Variants in NUP210L observed in about 807,000 individuals in gnomAD.
NUP210L encodes nuclear pore membrane glycoprotein 210-like.
A neutral mutation model predicts 208.5 loss-of-function variants in NUP210L; 74 were observed. The observed-to-expected ratio is 0.35, with a 90% confidence interval of 0.29 to 0.43. The LOEUF is 0.43. Ranked by LOEUF, NUP210L falls within the 20% of genes least tolerant of loss-of-function variation. NUP210L has a pLI of 1.00. For missense variants in NUP210L, 1,843 were observed against 2,289.4 expected, an observed-to-expected ratio of 0.81 and a Z score of 3.98; for synonymous variants, 780 against 816.9, an observed-to-expected ratio of 0.95 and a Z score of 0.77.
At chr1:154,091,738 T>C (rs1214479447) in intron 15 of NUP210L, among the ~76,000 whole-genome samples, 2 of 151,740 alleles carry the variant, frequency 1.3e-5, no homozygotes, top group Non-Finnish European at 2.9e-5. Context: ...TGAACTCAAA[T>C]GATCTGCCCG....
At chr1:154,118,761 T>C (rs765475002) in exon 11 of NUP210L, 1 of 1,595,670 alleles carries the variant, frequency 6.3e-7, no homozygotes, top group Non-Finnish European at 8.6e-7. Context: ...AAATCTTCAC[T>C]TCTTGTTGGT....
chr1:154,090,895 A>G (rs1361969898), intron 15 of NUP210L, among the ~76,000 whole-genome samples: 1 of 151,728 alleles, frequency 6.6e-6, no homozygotes, highest in Non-Finnish European at 1.5e-5. Context: ...TGTTGGTAGG[A>G]AAGTAAAATG....
intron 16 of NUP210L, among the ~76,000 whole-genome samples, chr1:154,086,502 C>T (rs1240473495): frequency 6.6e-6 from 1 of 152,036 alleles, no homozygotes; most frequent in Non-Finnish European, 1.5e-5. Context: ...AACTTTTGTG[C>T]TTCAAAAGAT....
rs1442055995 is a variant in NUP210L, at chr1:154,068,596, C to T, written c.2554+1677G>A. Among the ~76,000 whole-genome samples, 26 of 152,246 alleles carry T rather than the reference C, an allele frequency of 1.7e-4. No homozygotes were observed. The South Asian group carries it at 3.3e-3, about 19-fold the overall frequency. On this transcript the variant is annotated intron_variant, in intron 17 of 39. Transcript: ENST00000368559. ...TCGGGAGGCTGAGGCAGGAGAATGG[C>T]GTGAACCCGGGAGGTGGAGCTTGCA... is the stretch of plus-strand genomic sequence containing the variant.
At chr1:153,995,492 C>T in intron 37 of NUP210L, 1 of 581,858 alleles carries the variant, frequency 1.7e-6, no homozygotes, top group East Asian at 3.0e-5. Flanking sequence ...TTCCTATCTC[C>T]AGAGTAATAC....
At chr1:154,144,332 GTATT>G (rs1346475633) in intron 2 of NUP210L, among the ~76,000 whole-genome samples, 6 of 152,020 alleles carry the variant, frequency 3.9e-5, no homozygotes, top group Admixed American at 6.6e-5. Context: ...TTTTTAAAAT[GTATT>G]TATTTAGGAA....
At chr1:154,148,041 C>G (rs1373954804) in intron 2 of NUP210L, among the ~76,000 whole-genome samples, 1 of 148,232 alleles carries the variant, frequency 6.7e-6, no homozygotes, top group Non-Finnish European at 1.5e-5. Context: ...GGGTGGATCA[C>G]TAGGTCAGGA....
At chr1:154,022,994 T>G in intron 31 of NUP210L, 128 bp downstream of exon 31, 1 of 1,060,844 alleles carries the variant, frequency 9.4e-7, no homozygotes, top group Non-Finnish European at 1.3e-6. Flanking sequence ...AAAAATTTTT[T>G]TTAACAAAAG....
At chr1:154,054,667 G>T in intron 24 of NUP210L, 103 bp downstream of exon 24, 1 of 901,764 alleles carries the variant, frequency 1.1e-6, no homozygotes, top group Non-Finnish European at 1.8e-6. Flanking sequence ...GTACTTGGGT[G>T]AGAGTAAATA....
chr1:154,072,319 G>A (rs1423390474), intron 16 of NUP210L, among the ~76,000 whole-genome samples: 2 of 147,054 alleles, frequency 1.4e-5, no homozygotes, highest in South Asian at 4.3e-4. Flanking sequence ...TTTTAATTAT[G>A]GCCATTCCTT....
At chr1:154,052,938 A>G (rs1194498409) in intron 25 of NUP210L, among the ~76,000 whole-genome samples, 1 of 152,242 alleles carries the variant, frequency 6.6e-6, no homozygotes, top group Non-Finnish European at 1.5e-5. Flanking sequence ...GGTAGAAATG[A>G]TAAGAGGTAT....
intron 2 of NUP210L, 55 bp from the exon 3 acceptor site, chr1:154,143,632 A>T: frequency 6.9e-7 from 1 of 1,445,696 alleles, no homozygotes; most frequent in South Asian, 1.2e-5. Context: ...AATCTATTAA[A>T]TGTCTCAAAT....
chr1:154,092,300 C>T (rs1464530620), intron 15 of NUP210L, among the ~76,000 whole-genome samples: 3 of 150,474 alleles, frequency 2.0e-5, no homozygotes, highest in East Asian at 2.0e-4. Context: ...AGGATGGTCT[C>T]GATCTCCTGA....
chr1:154,041,021 G>A (rs1252375530), intron 27 of NUP210L, among the ~76,000 whole-genome samples: 2 of 152,096 alleles, frequency 1.3e-5, no homozygotes, highest in Non-Finnish European at 1.5e-5. Context: ...CTGGAGTGCC[G>A]TGGTGCAAAC....
chr1:154,006,946 G>GTGTGTGTATATATATATATA (rs767785200), intron 35 of NUP210L, among the ~76,000 whole-genome samples: 2 of 95,428 alleles, frequency 2.1e-5, no homozygotes, highest in Non-Finnish European at 4.1e-5. Context: ...GTGTGTGTGT[G>GTGTGTGTATATATATATATA]TATATATATA....
chr1:154,099,953 A>C, intron 14 of NUP210L, 45 bp downstream of exon 14: 1 of 1,589,922 alleles, frequency 6.3e-7, no homozygotes, highest in Non-Finnish European at 8.6e-7. Flanking sequence ...GACATAGTTA[A>C]GTCCATTAAA....
chr1:154,106,033 G>C (rs1378601807), intron 12 of NUP210L, among the ~76,000 whole-genome samples: 1 of 152,062 alleles, frequency 6.6e-6, no homozygotes, highest in Non-Finnish European at 1.5e-5. Flanking sequence ...GGCCGAGATG[G>C]GTGGATCACT....
intron 34 of NUP210L, among the ~76,000 whole-genome samples, chr1:154,010,767 G>A (rs1421742364): frequency 6.6e-6 from 1 of 151,886 alleles, no homozygotes; most frequent in African/African-American, 2.4e-5. Context: ...CTACTCGGGA[G>A]GCTGAGGCAG....
intron 12 of NUP210L, among the ~76,000 whole-genome samples, chr1:154,111,200 T>C (rs1046045107): frequency 2.0e-5 from 3 of 151,272 alleles, no homozygotes; most frequent in Non-Finnish European, 4.4e-5. Flanking sequence ...CCGGCCTACA[T>C]GGTGAAACCC....
Sources: gnomAD v4.1 joint callset for allele counts (sites outside exome capture counted in the v4.1 genomes callset) on GRCh38, gnomAD v4.1.1 for gene constraint, MANE v1.5 for transcripts, NCBI Gene and HGNC (gene_info 2026-07-23, HGNC 2026-07-21) for gene names.